Variants in NIBAN2 observed in about 807,000 individuals in gnomAD.
The protein encoded by NIBAN2 is protein Niban 2.
A neutral mutation model predicts 81.8 loss-of-function variants in NIBAN2; 36 were observed. That is an observed-to-expected ratio of 0.44 (90% confidence interval 0.34 to 0.58). The LOEUF is 0.58. NIBAN2 is among the 20% of genes least tolerant of loss of function. The pLI, the probability that NIBAN2 is intolerant of heterozygous loss-of-function variation, is 0.02. For missense variants in NIBAN2, 897 were observed against 1,014.1 expected (o/e 0.88, Z 1.57); for synonymous variants, 445 against 441.6 (o/e 1.01, Z -0.10).
intron 1 of NIBAN2, among the ~76,000 whole-genome samples, chr9:127,553,490 C>A (rs1005824572): frequency 1.3e-5 from 2 of 152,170 alleles, no homozygotes; most frequent in Admixed American, 1.3e-4. Context: ...CAGGGGTGGC[C>A]CTGGCATGAA....
At chr9:127,560,877 C>G (rs1487950232) in intron 1 of NIBAN2, among the ~76,000 whole-genome samples, 2 of 152,138 alleles carry the variant, frequency 1.3e-5, no homozygotes, top group Non-Finnish European at 1.5e-5. Context: ...CTTGAGACCC[C>G]TACAAAAGGG....
At chr9:127,550,804 A>G (rs1837561894) in intron 1 of NIBAN2, among the ~76,000 whole-genome samples, 1 of 152,140 alleles carries the variant, frequency 6.6e-6, no homozygotes, top group Non-Finnish European at 1.5e-5. Flanking sequence ...AGCAGCAGAA[A>G]AGGTCACTAC....
At chr9:127,570,912 G>A (rs946938593), upstream of NIBAN2, among the ~76,000 whole-genome samples, 5 of 152,264 alleles carry the variant, frequency 3.3e-5, no homozygotes, top group African/African-American at 9.6e-5. Context: ...CACACAGTGA[G>A]GCAGAGGGAG....
chr9:127,562,952 A>C (rs1032246816), intron 1 of NIBAN2, among the ~76,000 whole-genome samples: 7 of 152,222 alleles, frequency 4.6e-5, no homozygotes, highest in African/African-American at 1.7e-4. Flanking sequence ...AACTTGAGTC[A>C]TGGTCCCGGT....
chr9:127,520,350 C>T (rs1014162363), intron 5 of NIBAN2, among the ~76,000 whole-genome samples: 11 of 151,634 alleles, frequency 7.3e-5, no homozygotes, highest in African/African-American at 2.2e-4. Context: ...GCCATTCTCC[C>T]GCTTCAGCTC....
At chr9:127,569,609 T>C (rs1056901446), upstream of NIBAN2, among the ~76,000 whole-genome samples, 1 of 151,394 alleles carries the variant, frequency 6.6e-6, no homozygotes, top group African/African-American at 2.4e-5. Flanking sequence ...TCCTCTACCC[T>C]GAACAGTGCC....
chr9:127,510,345 GGGAGCCGGGTCAGCAGGGGCTCCCCAA>G lies in NIBAN2; in HGVS notation c.974-39_974-13del. 1 of 1,582,866 alleles carries G rather than the reference GGGAGCCGGGTCAGCAGGGGCTCCCCAA, an allele frequency of 6.3e-7. No homozygotes were observed. The highest frequency in any genetic ancestry group is 8.6e-7 in the Non-Finnish European group (1 of 1,158,858). On this transcript the variant is annotated splice_polypyrimidine_tract_variant and intron_variant, in intron 8 of 13. Transcript: ENST00000373312. ...GGGGAGGATGAAGGCTGTGCCCCGA[GGGAGCCGGGTCAGCAGGGGCTCCCCAA>G]GGAGCACCTCCCAGCCATCCCAGAG... is the stretch of plus-strand genomic sequence containing the variant.
rs1271992377 is a variant in NIBAN2, at chr9:127,508,521, C to G, written c.1335G>C (p.Val445=). The part of the protein sequence containing the change: ...IHMREQMDNA[V]YTFETLLHQE... Reference sequence around the variant, plus strand: ...GGTGCAGGAGGGTCTCGAACGTATACACGGCATTGTCCATTTGCTGCAGGG... The same window carrying G: ...GGTGCAGGAGGGTCTCGAACGTATAGACGGCATTGTCCATTTGCTGCAGGG... The change falls in exon 11 of 14, where the codon GTG becomes GTC. Residue 445 remains valine (V), a synonymous_variant. Coordinates refer to ENST00000373312, the MANE Select transcript of NIBAN2 (RefSeq NM_022833.4). This position sits in a 1 kb window ranked among gnomAD's most constrained non-coding sequence, Gnocchi z 6.4. 5 of 1,613,746 alleles carry G rather than the reference C, an allele frequency of 3.1e-6. No homozygotes were observed. The South Asian group carries it at 3.3e-5, about 11-fold the overall frequency.
At chr9:127,527,858 C>T (rs1837105669) in intron 2 of NIBAN2, among the ~76,000 whole-genome samples, 1 of 152,152 alleles carries the variant, frequency 6.6e-6, no homozygotes, top group Non-Finnish European at 1.5e-5. Context: ...TCCAGAGAGC[C>T]TGTCAGCTCT....
At chr9:127,519,632 G>T (rs561709795) in intron 5 of NIBAN2, among the ~76,000 whole-genome samples, 1 of 152,260 alleles carries the variant, frequency 6.6e-6, no homozygotes, top group African/African-American at 2.4e-5. Context: ...AGCTGAGCAG[G>T]GGGAGGCCCA....
chr9:127,508,132 G>A lies in NIBAN2; in HGVS notation c.1503C>T (p.Ile501=). 1 of 1,613,668 alleles carries A rather than the reference G, an allele frequency of 6.2e-7. No homozygotes were observed. The highest frequency in any genetic ancestry group is 1.6e-4 in the Middle Eastern group (1 of 6,062). Residue 501 remains isoleucine (I), a synonymous_variant, in exon 12 of 14, where the codon ATC becomes ATT. Transcript: ENST00000373312. This position sits in a 1 kb window ranked among gnomAD's most constrained non-coding sequence, Gnocchi z 6.4. ...GGGCCAGCTTCTTGAGCAGGAACGG[G>A]ATGCTGATCTGCAGCAGCGCCTCCC... ...FFREALLQIS[I]PFLLKKLAPT...
intron 1 of NIBAN2, among the ~76,000 whole-genome samples, chr9:127,534,124 G>T (rs1245929413): frequency 6.6e-6 from 1 of 152,336 alleles, no homozygotes; most frequent in African/African-American, 2.4e-5. Flanking sequence ...GTGCTGGCCC[G>T]CTGTGCGGCT....
Position 127,534,904 on chromosome 9 carries a change from C to A in NIBAN2, c.56-3126G>T, listed in dbSNP as rs79299056. Among the ~76,000 whole-genome samples, 8 of 152,286 alleles carry A rather than the reference C, an allele frequency of 5.3e-5. No individual in the cohort carries two copies. The East Asian group carries it at 1.5e-3, about 29-fold the overall frequency. On this transcript the variant is annotated intron_variant, in intron 1 of 13. Coordinates refer to ENST00000373312, the MANE Select transcript of NIBAN2 (RefSeq NM_022833.4). The stretch of plus-strand genomic sequence containing the variant: ...TGGAAGCTGACAATAACATCGGTAC[C>A]ATGGTTGTCATCGTCATGGCCACCA...
intron 1 of NIBAN2, among the ~76,000 whole-genome samples, chr9:127,556,139 C>T (rs540226878): frequency 6.6e-6 from 1 of 152,338 alleles, no homozygotes; most frequent in Non-Finnish European, 1.5e-5. Flanking sequence ...ACTCTACCCG[C>T]CTCACCCTCG....
chr9:127,568,899 C>G lies in NIBAN2; in HGVS notation c.-25G>C. On this transcript the variant is annotated 5_prime_UTR_variant, in exon 1 of 14. Coordinates refer to ENST00000373312, the MANE Select transcript of NIBAN2 (RefSeq NM_022833.4). ...TGGCCAGGAGGTGTCGCGGCCCGAT[C>G]CGGCCGACGCCGCCGCTGTTGCCCG... is the stretch of plus-strand genomic sequence containing the variant. 3 of 1,265,910 alleles carry G rather than the reference C, an allele frequency of 2.4e-6. No homozygotes were observed. The highest frequency in any genetic ancestry group is 3.0e-6 in the Non-Finnish European group (3 of 1,006,034). The allele number at this position is 1,265,910 out of a possible 1,614,324, so 78.4% of individuals were successfully genotyped here. A position where few individuals can be genotyped will look rare whatever the true frequency, so the allele number is the denominator to read the frequency against.
At chr9:127,524,251 G>A (rs1837018300) in intron 4 of NIBAN2, among the ~76,000 whole-genome samples, 1 of 152,166 alleles carries the variant, frequency 6.6e-6, no homozygotes, top group Non-Finnish European at 1.5e-5. Flanking sequence ...ACAGGGGGAG[G>A]GAGGCATGTG....
At chr9:127,509,653 C>A (rs1311951644) in intron 9 of NIBAN2, among the ~76,000 whole-genome samples, 1 of 152,076 alleles carries the variant, frequency 6.6e-6, no homozygotes, top group Admixed American at 6.5e-5. Flanking sequence ...ACGTTCACCC[C>A]GAGAGCCAGA....
intron 1 of NIBAN2, among the ~76,000 whole-genome samples, chr9:127,548,334 A>T (rs559781845): frequency 9.9e-5 from 15 of 152,268 alleles, no homozygotes; most frequent in South Asian, 2.1e-4. Flanking sequence ...CTGCTCTGTG[A>T]CACTGGCATG....
intron 1 of NIBAN2, among the ~76,000 whole-genome samples, chr9:127,576,362 A>G (rs1838008922): frequency 1.3e-5 from 2 of 152,022 alleles, no homozygotes; most frequent in Admixed American, 1.3e-4. Context: ...GGGGTGCCTT[A>G]CCGCCTTCCC....
Sources: allele counts gnomAD v4.1 joint callset (sites outside exome capture counted in the v4.1 genomes callset), GRCh38; gene constraint gnomAD v4.1.1; non-coding constraint Gnocchi (gnomAD v3.1); transcripts MANE v1.5; gene names NCBI Gene and HGNC (gene_info 2026-07-23, HGNC 2026-07-21).